DNAH6: variants seen among roughly 807,000 people sequenced by gnomAD.
DNAH6 encodes dynein axonemal heavy chain 6, also known as axonemal beta dynein heavy chain 6.
DNAH6 carries 340 observed loss-of-function variants against 491.4 expected under a neutral mutation model. That is an observed-to-expected ratio of 0.69 (90% CI 0.63 to 0.76). The LOEUF (loss-of-function observed/expected upper bound fraction) is 0.76, where lower values mean the gene tolerates loss of function less well. Ranked by LOEUF, DNAH6 falls within the 30% of genes least tolerant of loss-of-function variation. The probability of loss-of-function intolerance (pLI) is 0.00; values close to 1 mark genes in which losing one functional copy is unlikely to be tolerated. For synonymous variants in DNAH6, 1,603 were observed against 1,686.1 expected (o/e 0.95, Z 1.21); for missense variants, 4,443 against 4,972.2 (o/e 0.89, Z 3.20).
intron 29 of DNAH6, among the ~76,000 whole-genome samples, chr2:84,634,277 G>T (rs1038591050): frequency 6.6e-6 from 1 of 152,154 alleles, no homozygotes; most frequent in African/African-American, 2.4e-5. Flanking sequence ...TGGTCAGATT[G>T]TCATTTTGTT....
Position 84,552,959 on chromosome 2 carries a change from C to T in DNAH6, c.1527C>T (p.Leu509=). 1 of 1,612,272 alleles carries T rather than the reference C, an allele frequency of 6.2e-7. No homozygotes were observed. The highest frequency in any genetic ancestry group is 8.5e-7 in the Non-Finnish European group (1 of 1,179,192). ...MVEKQEEDES[L]IPMFLTELML... ...AAAAGCAAGAAGAAGATGAATCTCTCATCCCCATGTTTCTCACAGAACTAA... is the reference window on the plus strand; with the variant it reads ...AAAAGCAAGAAGAAGATGAATCTCTTATCCCCATGTTTCTCACAGAACTAA... Residue 509 remains leucine (L), a synonymous_variant, in exon 10 of 77, where the codon CTC becomes CTT. Transcript: ENST00000389394.
At chr2:84,663,920 A>G (rs562759608) in intron 37 of DNAH6, among the ~76,000 whole-genome samples, 10 of 152,248 alleles carry the variant, frequency 6.6e-5, no homozygotes, top group Non-Finnish European at 1.2e-4. Context: ...TCTAAAAGCC[A>G]AAAGAGAGTG....
chr2:84,725,783 C>T (rs889425760), intron 60 of DNAH6, among the ~76,000 whole-genome samples: 1 of 152,152 alleles, frequency 6.6e-6, no homozygotes, highest in African/African-American at 2.4e-5. Context: ...ACCCATTTCA[C>T]AGTGAAATTC....
intron 30 of DNAH6, among the ~76,000 whole-genome samples, chr2:84,634,867 T>C (rs1436934929): frequency 6.6e-6 from 1 of 152,194 alleles, no homozygotes; most frequent in Non-Finnish European, 1.5e-5. Flanking sequence ...TTTTAGCCCC[T>C]TATTAGCATG....
At chr2:84,781,722 C>T in intron 65 of DNAH6, 69 bp downstream of exon 65, 1 of 1,438,000 alleles carries the variant, frequency 7.0e-7, no homozygotes, top group South Asian at 1.5e-5. Context: ...TGAATTCATT[C>T]CTTATAGTAA....
chr2:84,813,924 A>C, intron 74 of DNAH6, 47 bp from the exon 75 acceptor site: 2 of 1,542,158 alleles, frequency 1.3e-6, no homozygotes, highest in South Asian at 2.4e-5. Flanking sequence ...GTGCCTGGGG[A>C]GTAGCAGTGT....
At chr2:84,613,543 C>T (rs1272300146) in intron 22 of DNAH6, among the ~76,000 whole-genome samples, 2 of 152,114 alleles carry the variant, frequency 1.3e-5, no homozygotes, top group Admixed American at 6.6e-5. Flanking sequence ...ATAATCAAGA[C>T]ATGGATCTTA....
At chr2:84,540,806 G>A (rs1678170945) in intron 4 of DNAH6, among the ~76,000 whole-genome samples, 1 of 152,120 alleles carries the variant, frequency 6.6e-6, no homozygotes, top group Non-Finnish European at 1.5e-5. Flanking sequence ...GGGACCCCTT[G>A]ATCTTCATTG....
At position 84,768,164 on chromosome 2, in the gene DNAH6, G is replaced by T. The variant is rs897214898; in HGVS notation, c.10703+5219G>T. On this transcript the variant is annotated intron_variant, in intron 64 of 76. Transcript: ENST00000389394. ...TTCAGAATTAGAGGGAAATGTATAGGCTTAAATATATATGTTATATAAAAA... is the reference window on the plus strand; with the variant it reads ...TTCAGAATTAGAGGGAAATGTATAGTCTTAAATATATATGTTATATAAAAA... Among the ~76,000 whole-genome samples, 12 of 151,766 alleles carry T rather than the reference G, an allele frequency of 7.9e-5. No individual in the cohort carries two copies. The East Asian group carries it at 2.3e-3, about 29-fold the overall frequency.
chr2:84,770,267 C>T (rs1675482657), intron 64 of DNAH6, among the ~76,000 whole-genome samples: 1 of 152,110 alleles, frequency 6.6e-6, no homozygotes, highest in African/African-American at 2.4e-5. Context: ...AGAGTTGTGA[C>T]ATTATAATAT....
chr2:84,546,996 A>C (rs1013743425), intron 5 of DNAH6, among the ~76,000 whole-genome samples: 6 of 152,174 alleles, frequency 3.9e-5, no homozygotes, highest in Non-Finnish European at 8.8e-5. Context: ...TCCTTAAATC[A>C]CTTGCCTTAT....
At chr2:84,636,152 C>T (rs1301626314) in intron 30 of DNAH6, among the ~76,000 whole-genome samples, 1 of 152,184 alleles carries the variant, frequency 6.6e-6, no homozygotes, top group Non-Finnish European at 1.5e-5. Context: ...TTGATCCTAT[C>T]ACTCTGCTTC....
intron 4 of DNAH6, among the ~76,000 whole-genome samples, chr2:84,543,296 C>T (rs935496019): frequency 2.0e-5 from 3 of 152,132 alleles, no homozygotes; most frequent in Non-Finnish European, 2.9e-5. Flanking sequence ...CTAATTTCTG[C>T]CTAGTACATG....
intron 65 of DNAH6, among the ~76,000 whole-genome samples, chr2:84,784,480 A>G (rs1438261489): frequency 6.6e-6 from 1 of 152,176 alleles, no homozygotes; most frequent in Non-Finnish European, 1.5e-5. Context: ...CGTGTTCCTA[A>G]TTTATTTACC....
chr2:84,708,869 C>T (rs747413346), intron 54 of DNAH6, among the ~76,000 whole-genome samples: 14 of 152,124 alleles, frequency 9.2e-5, no homozygotes, highest in Admixed American at 6.5e-5. Context: ...TCACTGGGGC[C>T]AATTGTGCTT....
At chr2:84,621,113 C>T in intron 24 of DNAH6, 78 bp from the exon 25 acceptor site, 1 of 1,430,772 alleles carries the variant, frequency 7.0e-7, no homozygotes, top group Non-Finnish European at 9.5e-7. Context: ...GCTTAGGATT[C>T]TGTAATGGAA....
At chr2:84,692,196 T>C (rs945577605) in intron 45 of DNAH6, among the ~76,000 whole-genome samples, 2 of 152,188 alleles carry the variant, frequency 1.3e-5, no homozygotes, top group African/African-American at 4.8e-5. Flanking sequence ...GAATGTGGAA[T>C]TGATGGAGCA....
At chr2:84,622,407 G>A (rs1489075030) in intron 26 of DNAH6, among the ~76,000 whole-genome samples, 4 of 151,972 alleles carry the variant, frequency 2.6e-5, no homozygotes, top group Non-Finnish European at 5.9e-5. Flanking sequence ...ATAGCACACA[G>A]CTAATTATTT....
chr2:84,617,475 A>C (rs890087434), intron 23 of DNAH6, among the ~76,000 whole-genome samples: 1 of 152,072 alleles, frequency 6.6e-6, no homozygotes, highest in African/African-American at 2.4e-5. Context: ...TGTACTATCA[A>C]ATACTAAGTC....
Sources: allele counts gnomAD v4.1 joint callset (sites outside exome capture counted in the v4.1 genomes callset), GRCh38; gene constraint gnomAD v4.1.1; transcripts MANE v1.5; gene names NCBI Gene and HGNC (gene_info 2026-07-23, HGNC 2026-07-21).